Variants in NSUN6 observed in about 807,000 individuals in gnomAD.
NSUN6 encodes tRNA (cytosine(72)-C(5))-methyltransferase NSUN6.
In NSUN6, 64 loss-of-function variants were observed where a neutral mutation model predicts 58.0. The ratio of observed to expected loss-of-function variants is 1.10; its 90% CI spans 0.90 to 1.36. The LOEUF is 1.36. Ranked by LOEUF, NSUN6 falls within the 40% of genes most tolerant of loss-of-function variation. The probability of loss-of-function intolerance (pLI) is 0.00; values close to 1 mark genes in which losing one functional copy is unlikely to be tolerated. For missense variants in NSUN6, 701 were observed against 550.1 expected (o/e 1.27, Z -2.74); for synonymous variants, 231 against 193.9 (o/e 1.19, Z -1.59).
At chr10:18,637,861 T>A (rs2059268880) in intron 3 of NSUN6, among the ~76,000 whole-genome samples, 1 of 152,226 alleles carries the variant, frequency 6.6e-6, no homozygotes, top group African/African-American at 2.4e-5. Flanking sequence ...CAAAACAAAT[T>A]GCAGAATATT....
At chr10:18,627,770 C>CT (rs1452495348) in intron 3 of NSUN6, among the ~76,000 whole-genome samples, 1 of 152,248 alleles carries the variant, frequency 6.6e-6, no homozygotes, top group Non-Finnish European at 1.5e-5. Context: ...CCCACGGAGT[C>CT]TCGCTGATTG....
chr10:18,640,199 G>A (rs1206066198), intron 3 of NSUN6, among the ~76,000 whole-genome samples: 1 of 152,158 alleles, frequency 6.6e-6, no homozygotes, highest in East Asian at 1.9e-4. Flanking sequence ...TTCTAAAAAT[G>A]AGTACACATG....
chr10:18,558,805 A>G lies in NSUN6; in HGVS notation c.923-6834T>C, dbSNP rs547286093. On this transcript the variant is annotated intron_variant, in intron 8 of 10. Coordinates refer to ENST00000377304, the MANE Select transcript of NSUN6 (RefSeq NM_182543.5). ...GAATTGAGAATGGAATGGACAATGG[A>G]ATGGAAGGGAGAATGGAATGAAAAA... Among the ~76,000 whole-genome samples the G allele has an allele frequency of 7.3e-5, 11 of 150,486 alleles. No homozygotes were observed. The South Asian group carries it at 2.3e-3, about 31-fold the overall frequency.
intron 3 of NSUN6, among the ~76,000 whole-genome samples, chr10:18,626,338 G>C (rs560676854): frequency 3.3e-5 from 5 of 151,624 alleles, no homozygotes; most frequent in Non-Finnish European, 1.5e-5. Flanking sequence ...TCAGGAGCTC[G>C]AGACCAGCCT....
upstream of NSUN6, chr10:18,653,204 AC>A (rs1460656214): frequency 1.0e-6 from 1 of 984,574 alleles, no homozygotes; most frequent in African/African-American, 1.7e-5. Flanking sequence ...ACTTTATCAC[AC>A]CACTATGTAC....
chr10:18,628,095 C>T (rs932864282), intron 3 of NSUN6, among the ~76,000 whole-genome samples: 23 of 152,332 alleles, frequency 1.5e-4, no homozygotes, highest in Middle Eastern at 3.4e-3. Flanking sequence ...GGGTCCCTGA[C>T]CCCTGACCCC....
chr10:18,610,707 C>T (rs768239339), intron 5 of NSUN6, among the ~76,000 whole-genome samples: 1 of 152,128 alleles, frequency 6.6e-6, no homozygotes, highest in Non-Finnish European at 1.5e-5. Context: ...TCAAGACAAA[C>T]ATCACAATCT....
chr10:18,634,755 T>TCAAA (rs35015072), intron 3 of NSUN6, among the ~76,000 whole-genome samples: 84,000 of 149,534 alleles, frequency 0.56, 24,099 homozygotes, highest in East Asian at 0.96. Context: ...AGACTCTGTC[T>TCAAA]CAAACAAACA....
chr10:18,607,287 T>A (rs1294509574), intron 6 of NSUN6, among the ~76,000 whole-genome samples: 1 of 152,254 alleles, frequency 6.6e-6, no homozygotes, highest in Non-Finnish European at 1.5e-5. Flanking sequence ...ACTTGTTCTA[T>A]TTGTGAGAAT....
rs1315410251 is a variant in NSUN6 at position 18,551,922 on chromosome 10, T to G, written c.972A>C (p.Ala324=). ...PESFDRILLD[A]PCSGMGQRPN... is the part of the protein sequence containing the mutation. ...GTCTCTGTCCCATTCCACTACAGGG[T>G]GCATCCAGAAGAATTCGGTCAAAGG... The change falls in exon 9 of 11, where the codon GCA becomes GCC. Residue 324 remains alanine, a synonymous_variant. Coordinates refer to ENST00000377304, the MANE Select transcript of NSUN6 (RefSeq NM_182543.5). 5.6e-6 allele frequency: 9 copies of G among 1,610,176 alleles called. No individual in the cohort carries two copies. Among genetic ancestry groups the G allele is most frequent in the Non-Finnish European group, 6.8e-6 (8 of 1,176,860 alleles).
chr10:18,594,441 G>A (rs111421894), intron 7 of NSUN6, among the ~76,000 whole-genome samples: 5 of 144,984 alleles, frequency 3.4e-5, no homozygotes, highest in Non-Finnish European at 4.7e-5. Context: ...GTTTTTTTTT[G>A]TTGTTGTTGT....
At chr10:18,567,818 A>T (rs895669755) in intron 8 of NSUN6, among the ~76,000 whole-genome samples, 9 of 144,494 alleles carry the variant, frequency 6.2e-5, no homozygotes, top group African/African-American at 2.3e-4. Flanking sequence ...TCTCCATTCC[A>T]TTCCTTTACA....
chr10:18,551,244 TTGTGTGTGTGTGTGTGTGTGTGTGTG>T (rs35396134), intron 9 of NSUN6, among the ~76,000 whole-genome samples: 1 of 127,080 alleles, frequency 7.9e-6, no homozygotes, highest in African/African-American at 3.0e-5. Flanking sequence ...GTCCTCTCAG[TTGTGTGTGTGTGTGTGTGTGTGTGTG>T]TGTGTGTGTG....
At chr10:18,619,953 C>A (rs1047765323) in intron 3 of NSUN6, among the ~76,000 whole-genome samples, 2 of 151,020 alleles carry the variant, frequency 1.3e-5, no homozygotes, top group Non-Finnish European at 3.0e-5. Context: ...TAAAACATCC[C>A]TTTTTTTTTA....
chr10:18,651,918 A>G, upstream of NSUN6: 2 of 985,450 alleles, frequency 2.0e-6, no homozygotes, highest in Non-Finnish European at 2.4e-6. Context: ...GAAAAAAGGC[A>G]CAGCCCAGTT....
upstream of NSUN6, chr10:18,654,684 C>G (rs1241677980): frequency 6.6e-6 from 1 of 152,134 alleles, no homozygotes; most frequent in Non-Finnish European, 1.5e-5. Flanking sequence ...AGTCCAAGAC[C>G]AGCCTGATCA....
At chr10:18,654,691 A>G (rs929230369), upstream of NSUN6, 5 of 152,110 alleles carry the variant, frequency 3.3e-5, no homozygotes, top group African/African-American at 1.2e-4. Flanking sequence ...GACCAGCCTG[A>G]TCAATATGTA....
chr10:18,619,179 G>C (rs1401549774), intron 3 of NSUN6, among the ~76,000 whole-genome samples: 2 of 152,200 alleles, frequency 1.3e-5, no homozygotes, highest in African/African-American at 4.8e-5. Flanking sequence ...GACTGAATGA[G>C]TGCTGCTCCA....
chr10:18,590,247 A>G (rs896389673), intron 7 of NSUN6, among the ~76,000 whole-genome samples: 2 of 152,226 alleles, frequency 1.3e-5, no homozygotes, highest in African/African-American at 4.8e-5. Context: ...AGGAGCACCC[A>G]GATTCATAAA....
Sources: allele counts gnomAD v4.1 joint callset (sites outside exome capture counted in the v4.1 genomes callset), GRCh38; gene constraint gnomAD v4.1.1; transcripts MANE v1.5; gene names NCBI Gene and HGNC (gene_info 2026-07-23, HGNC 2026-07-21).